The following MAPK14 variants were observed in gnomAD, a reference collection of about 807,000 sequenced individuals.
The protein encoded by MAPK14 is mitogen-activated protein kinase 14, also known as CSAID-binding protein.
A neutral mutation model predicts 49.6 loss-of-function variants in MAPK14; 16 were observed. The observed-to-expected ratio is 0.32, with a 90% CI of 0.22 to 0.49. The LOEUF (loss-of-function observed/expected upper bound fraction) is 0.49, where lower values mean the gene tolerates loss of function less well. Among genes scored for constraint, MAPK14 ranks in the 20% least tolerant of loss-of-function variants. The pLI is 0.99. For missense variants in MAPK14, 200 were observed against 441.2 expected (o/e 0.45, Z 4.90); for synonymous variants, 142 against 158.0 (o/e 0.90, Z 0.76).
intron 3 of MAPK14, among the ~76,000 whole-genome samples, chr6:36,069,707 CCT>C (rs147836715): frequency 3.4e-3 from 502 of 146,426 alleles, no homozygotes; most frequent in Admixed American, 3.4e-3. Context: ...AAGCTCTTTC[CCT>C]CTCTCTCTCT....
chr6:36,063,733 G>T (rs1027670768), intron 3 of MAPK14, among the ~76,000 whole-genome samples: 7 of 152,260 alleles, frequency 4.6e-5, no homozygotes, highest in South Asian at 4.1e-4. Context: ...ACAATATACA[G>T]TTACTGAATC....
At chr6:36,067,421 A>C (rs1284657671) in intron 3 of MAPK14, among the ~76,000 whole-genome samples, 5 of 151,758 alleles carry the variant, frequency 3.3e-5, no homozygotes, top group Non-Finnish European at 7.4e-5. Flanking sequence ...CTGCATCCCC[A>C]GGGCCCAGAA....
chr6:36,047,398 G>A (rs1369772245), intron 1 of MAPK14, among the ~76,000 whole-genome samples: 1 of 152,202 alleles, frequency 6.6e-6, no homozygotes, highest in Non-Finnish European at 1.5e-5. Context: ...AGCTGAGAGA[G>A]AGGGAAAGAG....
rs539977812 is a variant in MAPK14, at chr6:36,085,337, G to A, written c.682+8729G>A. Among the ~76,000 whole-genome samples, 631 of 152,254 alleles carry A rather than the reference G, an allele frequency of 4.1e-3. 3 individuals are homozygous for A. The highest frequency in any genetic ancestry group is 5.3e-3 in the Non-Finnish European group (360 of 68,010). On this transcript the variant is annotated intron_variant, in intron 8 of 11. Transcript: ENST00000229794. ...TAAAAAATATTAACCTTAAATGTAA[G>A]TGGGCTAAATGCCCCAATTAAAAAA...
rs748891897 is a variant in MAPK14, at chr6:36,074,060, T to C, written c.459T>C (p.Pro153=). The C allele has an allele frequency of 6.2e-7, 1 of 1,612,724 alleles. No homozygotes were observed. Among genetic ancestry groups the C allele is most frequent in the Non-Finnish European group, 8.5e-7 (1 of 1,178,814 alleles). Residue 153 remains proline (P), a synonymous_variant, in exon 6 of 12, where the codon CCT becomes CCC. Transcript: ENST00000229794. ...SADIIHRDLK[P]SNLAVNEDCE... ...TATTTGCTTCCTAGGACCTAAAACCTAGTAATCTAGCTGTGAATGAAGACT... is the reference window on the plus strand; with the variant it reads ...TATTTGCTTCCTAGGACCTAAAACCCAGTAATCTAGCTGTGAATGAAGACT...
chr6:36,075,594 G>T (rs995907302), intron 6 of MAPK14, among the ~76,000 whole-genome samples: 11 of 152,170 alleles, frequency 7.2e-5, no homozygotes, highest in African/African-American at 2.7e-4. Context: ...TTGTATGGAC[G>T]TAAGTTCTCA....
At chr6:36,106,902 T>A (rs1765812072) in intron 10 of MAPK14, among the ~76,000 whole-genome samples, 1 of 150,822 alleles carries the variant, frequency 6.6e-6, no homozygotes, top group African/African-American at 2.5e-5. Flanking sequence ...ATAAACAGCT[T>A]AGGGGGACAA....
chr6:36,097,452 T>C (rs1456407155), intron 9 of MAPK14: 1 of 152,216 alleles, frequency 6.6e-6, no homozygotes, highest in African/African-American at 2.4e-5. Context: ...ATCAAAGATA[T>C]CAGATGATGC....
chr6:36,065,768 A>T (rs1485828534), intron 3 of MAPK14, among the ~76,000 whole-genome samples: 1 of 152,154 alleles, frequency 6.6e-6, no homozygotes, highest in East Asian at 1.9e-4. Flanking sequence ...CCACACAAAC[A>T]CATTCCATAG....
At chr6:36,045,625 G>A (rs965846011) in intron 1 of MAPK14, among the ~76,000 whole-genome samples, 1 of 151,924 alleles carries the variant, frequency 6.6e-6, no homozygotes, top group East Asian at 1.9e-4. Flanking sequence ...TGGCTAACAC[G>A]GTGAAACCCC....
At chr6:36,048,514 G>A (rs1763274030) in intron 1 of MAPK14, among the ~76,000 whole-genome samples, 1 of 152,190 alleles carries the variant, frequency 6.6e-6, no homozygotes, top group African/African-American at 2.4e-5. Context: ...GGATGCATTT[G>A]GAAAGCATAT....
At chr6:36,063,136 G>A (rs1763894280) in intron 3 of MAPK14, among the ~76,000 whole-genome samples, 1 of 151,958 alleles carries the variant, frequency 6.6e-6, no homozygotes, top group Admixed American at 6.6e-5. Context: ...AACCTAGATG[G>A]TATAATCTAC....
intron 10 of MAPK14, among the ~76,000 whole-genome samples, chr6:36,105,350 C>T (rs1017670700): frequency 6.6e-6 from 1 of 151,966 alleles, no homozygotes; most frequent in Non-Finnish European, 1.5e-5. Context: ...TTAAGTGATC[C>T]TTCCTCTTCC....
At chr6:36,073,841 A>G in intron 5 of MAPK14, 121 bp downstream of exon 5, 1 of 1,092,268 alleles carries the variant, frequency 9.2e-7, no homozygotes, top group Non-Finnish European at 1.4e-6. Context: ...TTGCAACTTT[A>G]CTGTAGGTTT....
intron 1 of MAPK14, among the ~76,000 whole-genome samples, chr6:36,049,631 A>G (rs1420945430): frequency 6.6e-6 from 1 of 152,078 alleles, no homozygotes; most frequent in African/African-American, 2.4e-5. Flanking sequence ...ACTTTTTTGG[A>G]GAATTTTAAC....
chr6:36,100,036 T>C lies in MAPK14; in HGVS notation c.763-2535T>C, dbSNP rs907819106. On this transcript the variant is annotated intron_variant, in intron 9 of 11. Transcript: ENST00000229794. ...ACTCATGTCATTCACAGAAGTGTACTGTAGCATGCAGCTGTGGGCTCTCGG... is the reference window on the plus strand; with the variant it reads ...ACTCATGTCATTCACAGAAGTGTACCGTAGCATGCAGCTGTGGGCTCTCGG... 4 of 613,062 alleles carry C rather than the reference T, an allele frequency of 6.5e-6. No homozygotes were observed. The African/African-American group carries it at 7.4e-5, about 11-fold the overall frequency. The allele number at this position is 613,062 out of a possible 1,614,324, so 38.0% of individuals were successfully genotyped here.
At chr6:36,081,489 GT>G (rs905280577) in intron 8 of MAPK14, among the ~76,000 whole-genome samples, 19 of 152,040 alleles carry the variant, frequency 1.2e-4, no homozygotes, top group African/African-American at 4.6e-4. Context: ...TTTCTCCTTT[GT>G]TTTTTGTTTC....
At chr6:36,102,531 T>A in intron 9 of MAPK14, 40 bp from the exon 10 acceptor site, 1 of 1,475,428 alleles carries the variant, frequency 6.8e-7, no homozygotes, top group Non-Finnish European at 9.5e-7. Flanking sequence ...AGCAGTAACA[T>A]TATTGAACAA....
chr6:36,028,367 G>A lies in MAPK14; in HGVS notation c.116+94G>A. 1 of 876,842 alleles carries A rather than the reference G, an allele frequency of 1.1e-6. No individual in the cohort carries two copies. Among genetic ancestry groups the A allele is most frequent in the Non-Finnish European group, 1.8e-6 (1 of 546,714 alleles). The allele number at this position is 876,842 out of a possible 1,614,324, so 54.3% of individuals were successfully genotyped here. A position where few individuals can be genotyped will look rare whatever the true frequency, so the allele number is the denominator to read the frequency against. ...CCACTGCTCAGCGTTGCGTCAAGTG[G>A]CAGGAATTTTCCTCGGGGGAGGGCA... On this transcript the variant is annotated intron_variant, in intron 1 of 11. Coordinates refer to ENST00000229794, the MANE Select transcript of MAPK14 (RefSeq NM_139012.3). The surrounding 1 kb of genome is among the most constrained non-coding windows in gnomAD (Gnocchi z 5.1).
Sources: gnomAD v4.1 joint callset for allele counts (sites outside exome capture counted in the v4.1 genomes callset) on GRCh38, gnomAD v4.1.1 for gene constraint, Gnocchi (gnomAD v3.1) non-coding constraint, MANE v1.5 for transcripts, NCBI Gene and HGNC (gene_info 2026-07-23, HGNC 2026-07-21) for gene names.